The following RNF40 variants were observed in gnomAD, a reference collection of about 807,000 sequenced individuals.
RNF40 encodes the protein E3 ubiquitin-protein ligase BRE1B.
In RNF40, 39 loss-of-function variants were observed where a neutral mutation model predicts 123.3. The observed-to-expected ratio is 0.32, with a 90% CI of 0.24 to 0.41. The LOEUF (loss-of-function observed/expected upper bound fraction) is 0.41, where lower values mean the gene tolerates loss of function less well. Ranked by LOEUF, RNF40 falls within the 10% of genes least tolerant of loss-of-function variation. RNF40 has a pLI of 1.00. For synonymous variants in RNF40, 538 were observed against 526.0 expected (o/e 1.02, Z -0.31); for missense variants, 1,003 against 1,319.9 (o/e 0.76, Z 3.72).
In RNF40 at chr16:30,769,358, AGG is replaced by A. The variant is rs764698180; in HGVS notation, c.2421_2422del (p.Asp808Ter). The A allele has an allele frequency of 3.1e-6, 5 of 1,614,250 alleles. No homozygotes were observed. Among genetic ancestry groups the A allele is most frequent in the African/African-American group, 1.3e-5 (1 of 75,074 alleles). On this transcript the variant is annotated frameshift_variant, in exon 16 of 20. Transcript: ENST00000324685. LOFTEE classifies it high-confidence loss of function. ...ATTCACAAGCTGCTGCGGGAGGAGAAGGATGAGTTGGGCGAGCAGGTCCTTGG... is the reference window on the plus strand; with the variant it reads ...ATTCACAAGCTGCTGCGGGAGGAGAAATGAGTTGGGCGAGCAGGTCCTTGG...
chr16:30,764,235 G>A lies in RNF40; in HGVS notation c.499G>A (p.Val167Met), dbSNP rs755175272. The A allele has an allele frequency of 3.1e-6, 5 of 1,612,510 alleles. No individual in the cohort carries two copies. In the East Asian group the frequency reaches 8.9e-5, roughly 29 times the overall value. The change falls in exon 5 of 20, where the codon GTG becomes ATG. Residue 167 changes from valine to methionine, a missense_variant. By Grantham distance (21) the Val-to-Met change is conservative (BLOSUM62 1). Coordinates refer to ENST00000324685, the MANE Select transcript of RNF40 (RefSeq NM_014771.4). ...PLSEPALAFV[V>M]ALGASSSEEV... ...CAGTGAGCCGGCCTTGGCTTTTGTG[G>A]TGGCACTGGGTGCCAGCAGCAGTGA...
chr16:30,764,934 C>G lies in RNF40; in HGVS notation c.650-4C>G, dbSNP rs2054000007. On this transcript the variant is annotated splice_region_variant and splice_polypyrimidine_tract_variant and intron_variant, in intron 5 of 19. Transcript: ENST00000324685. ...GGGCTCTTACCTGGGCCCTGCCTTC[C>G]CAGGGGACAGTGAGCCCCTCAGTGA... 6.2e-7 allele frequency: 1 copy of G among 1,610,530 alleles called. No individual in the cohort carries two copies.
intron 15 of RNF40, 98 bp from the exon 16 acceptor site, chr16:30,769,088 C>T: frequency 6.3e-7 from 1 of 1,590,210 alleles, no homozygotes; most frequent in Admixed American, 1.7e-5. Context: ...TCTGGGTCCC[C>T]TCTGTAGTTC....
At chr16:30,764,602 T>G (rs539787696) in intron 5 of RNF40, among the ~76,000 whole-genome samples, 1 of 152,312 alleles carries the variant, frequency 6.6e-6, no homozygotes, top group East Asian at 1.9e-4. Flanking sequence ...GAGGAGTTGT[T>G]GATGCCGGTA....
intron 8 of RNF40, among the ~76,000 whole-genome samples, chr16:30,765,783 A>G (rs1233405008): frequency 2.6e-5 from 4 of 152,278 alleles, no homozygotes; most frequent in African/African-American, 9.6e-5. Flanking sequence ...GTAACAGACA[A>G]GAAATCAGTA....
Position 30,762,489 on chromosome 16 carries a change from G to T in RNF40, c.-57G>T. Reference sequence around the variant, plus strand: ...GTCTTCTGCAGGTGACGGAAGTACCGCCTCCTCCCGTTTGACGCCCCTCAG... The same window carrying T: ...GTCTTCTGCAGGTGACGGAAGTACCTCCTCCTCCCGTTTGACGCCCCTCAG... On this transcript the variant is annotated 5_prime_UTR_variant, in exon 2 of 20. Transcript: ENST00000324685. 19 of 1,513,294 alleles carry T rather than the reference G, an allele frequency of 1.3e-5. No homozygotes were observed. Among genetic ancestry groups the T allele is most frequent in the Non-Finnish European group, 1.7e-5 (19 of 1,139,314 alleles). The allele number at this position is 1,513,294 out of a possible 1,614,324, so 93.7% of individuals were successfully genotyped here.
upstream of RNF40, chr16:30,762,207 A>C: frequency 2.9e-6 from 1 of 342,976 alleles, no homozygotes; most frequent in Non-Finnish European, 5.3e-6. Flanking sequence ...AGCGTAACCA[A>C]TAGAAGCAGA....
In RNF40 at chr16:30,767,925, T is replaced by C. The variant is rs1262068407; in HGVS notation, c.1461T>C (p.Ile487=). 2.5e-6 allele frequency: 4 copies of C among 1,614,104 alleles called. No individual in the cohort carries two copies. In the African/African-American group the frequency reaches 4.0e-5, roughly 16 times the overall value. ...TCAACCGTGAGATGCGCCACCTGAT[T>C]AGTAGTCTTCAAAACCACAACCACC... ...GPINREMRHL[I]SSLQNHNHQL... is the part of the protein sequence containing the mutation. Residue 487 remains isoleucine, a synonymous_variant, in exon 12 of 20, where the codon ATT becomes ATC. Coordinates refer to ENST00000324685, the MANE Select transcript of RNF40 (RefSeq NM_014771.4).
rs759976202 is a variant in RNF40 at position 30,766,728 on chromosome 16, C to T, written c.1294-13C>T. ...CGAGGGGCTGTGTGGGTCCTTAACA[C>T]ATCAACCCACAGAGCGACGAGCTGG... On this transcript the variant is annotated splice_polypyrimidine_tract_variant and intron_variant, in intron 10 of 19. Coordinates refer to ENST00000324685, the MANE Select transcript of RNF40 (RefSeq NM_014771.4). The surrounding 1 kb of genome is among the most constrained non-coding windows in gnomAD (Gnocchi z 5.4). 71 of 1,613,744 alleles carry T rather than the reference C, an allele frequency of 4.4e-5. No individual in the cohort carries two copies. Among genetic ancestry groups the T allele is most frequent in the Non-Finnish European group, 5.2e-5 (61 of 1,179,966 alleles).
intron 19 of RNF40, among the ~76,000 whole-genome samples, chr16:30,772,696 A>G (rs1173959502): frequency 1.3e-5 from 2 of 152,220 alleles, no homozygotes; most frequent in African/African-American, 2.4e-5. Flanking sequence ...CGGAGGTTGT[A>G]ATCAGAGGAG....
At chr16:30,772,048 G>A (rs1348425868) in intron 18 of RNF40, 41 bp from the exon 19 acceptor site, 5 of 1,584,190 alleles carry the variant, frequency 3.2e-6, no homozygotes, top group Admixed American at 1.8e-5. Context: ...GCGGCTCAAG[G>A]TTGAGGACCC....
At chr16:30,771,509 C>T (rs887853287) in intron 17 of RNF40, among the ~76,000 whole-genome samples, 4 of 152,036 alleles carry the variant, frequency 2.6e-5, no homozygotes, top group South Asian at 2.1e-4. Flanking sequence ...CCCAGCTACT[C>T]GGGAGGCTGA....
rs1017015939 is a variant in RNF40, at chr16:30,766,022, A to G, written c.994-141A>G. The G allele has an allele frequency of 8.5e-7, 1 of 1,177,076 alleles. No homozygotes were observed. The highest frequency in any genetic ancestry group is 1.5e-5 in the African/African-American group (1 of 65,274). 72.9% of individuals were successfully genotyped at this position (1,177,076 alleles called of 1,614,324 possible). Reference sequence around the variant, plus strand: ...TTCTCCCATTTTTCTGGGAGCCCTTAGGAAAGTACTTGGTTTGGGGTGTCA... The same window carrying G: ...TTCTCCCATTTTTCTGGGAGCCCTTGGGAAAGTACTTGGTTTGGGGTGTCA... On this transcript the variant is annotated intron_variant, in intron 8 of 19. Transcript: ENST00000324685. This position sits in a 1 kb window ranked among gnomAD's most constrained non-coding sequence, Gnocchi z 5.4.
Position 30,774,059 on chromosome 16 carries a change from C to T in RNF40, c.2951C>T (p.Pro984Leu). The T allele has an allele frequency of 6.2e-7, 1 of 1,614,054 alleles. No individual in the cohort carries two copies. The highest frequency in any genetic ancestry group is 8.5e-7 in the Non-Finnish European group (1 of 1,179,914). The change falls in exon 20 of 20, where the codon CCC (proline) becomes CTC (leucine). Residue 984 changes from proline to leucine, a missense_variant. By Grantham distance (98) the Pro-to-Leu change is moderately conservative (BLOSUM62 -3). Transcript: ENST00000324685. Reference sequence around the variant, plus strand: ...TATGAGGCCCGCCAGAGGAAGTGCCCCAAGTGCAACGCGGCCTTTGGTGCC... The same window carrying T: ...TATGAGGCCCGCCAGAGGAAGTGCCTCAAGTGCAACGCGGCCTTTGGTGCC... Reference protein sequence around the residue: ...GRYEARQRKCPKCNAAFGAHD... With the variant: ...GRYEARQRKCLKCNAAFGAHD...
At chr16:30,773,778 G>C (rs1381326141) in intron 19 of RNF40, 160 bp from the exon 20 acceptor site, 1 of 655,212 alleles carries the variant, frequency 1.5e-6, no homozygotes, top group Non-Finnish European at 2.6e-6. Flanking sequence ...CTGCACCTCA[G>C]TTTGCTCATT....
chr16:30,765,814 AT>A (rs1280664478), intron 8 of RNF40, among the ~76,000 whole-genome samples: 5 of 152,390 alleles, frequency 3.3e-5, no homozygotes, highest in Admixed American at 2.0e-4. Context: ...TCAGTGTGTT[AT>A]GAGTACCACA....
chr16:30,769,088 C>A, intron 15 of RNF40, 98 bp from the exon 16 acceptor site: 1 of 1,590,208 alleles, frequency 6.3e-7, no homozygotes. Context: ...TCTGGGTCCC[C>A]TCTGTAGTTC....
At position 30,764,400 on chromosome 16, in the gene RNF40, C is replaced by G. The variant is rs778702792; in HGVS notation, c.649+15C>G. On this transcript the variant is annotated intron_variant, in intron 5 of 19. Transcript: ENST00000324685. ...GTACAGCCGAGGTGGGTTCTTTGTG[C>G]CCATACTGAAGGGGTGTCCATCCCC... The G allele has an allele frequency of 1.9e-6, 3 of 1,605,724 alleles. No individual in the cohort carries two copies. The East Asian group carries it at 6.7e-5, about 36-fold the overall frequency.
chr16:30,766,805 C>T lies in RNF40; in HGVS notation c.1358C>T (p.Ala453Val). The change falls in exon 11 of 20, where the codon GCC becomes GTC. Residue 453 changes from alanine to valine, a missense_variant. Coordinates refer to ENST00000324685, the MANE Select transcript of RNF40 (RefSeq NM_014771.4). The surrounding 1 kb of genome is among the most constrained non-coding windows in gnomAD (Gnocchi z 5.4). ...GTCATTCAGCTGGAGGACACGCTGG[C>T]CCAGGTACGCAAGGAGTATGAGATG... ...TEVIQLEDTL[A>V]QVRKEYEMLR... The T allele has an allele frequency of 6.2e-7, 1 of 1,613,980 alleles. No individual in the cohort carries two copies. Among genetic ancestry groups the T allele is most frequent in the Non-Finnish European group, 8.5e-7 (1 of 1,179,994 alleles).
Sources: gnomAD v4.1 joint callset for allele counts (sites outside exome capture counted in the v4.1 genomes callset) on GRCh38, gnomAD v4.1.1 for gene constraint, Gnocchi (gnomAD v3.1) non-coding constraint, MANE v1.5 for transcripts, NCBI Gene and HGNC (gene_info 2026-07-23, HGNC 2026-07-21) for gene names.